The following MED15 variants were observed in gnomAD, a reference collection of about 807,000 sequenced individuals.
The protein encoded by MED15 is mediator complex subunit 15.
Under a neutral mutation model 118.7 loss-of-function variants are expected in MED15, and 41 were observed. The ratio of observed to expected loss-of-function variants is 0.35; its 90% CI spans 0.27 to 0.45. The LOEUF (loss-of-function observed/expected upper bound fraction) is 0.45. Among genes scored for constraint, MED15 ranks in the 20% least tolerant of loss-of-function variants. MED15 has a pLI of 1.00. For synonymous variants in MED15, 436 were observed against 413.9 expected (o/e 1.05, Z -0.65); for missense variants, 740 against 1,025.5 (o/e 0.72, Z 3.80).
Position 20,586,761 on chromosome 22 carries a change from T to A in MED15, c.*57T>A. On this transcript the variant is annotated 3_prime_UTR_variant, in exon 18 of 18. Transcript: ENST00000263205. ...CGGGGCCAAGGACACACGCCTCCTG[T>A]CAGACACTTCTAGGTGTTGGCTTCC... is the stretch of plus-strand genomic sequence containing the variant. 6.3e-7 allele frequency: 1 copy of A among 1,598,554 alleles called. No individual in the cohort carries two copies. Among genetic ancestry groups the A allele is most frequent in the East Asian group, 2.2e-5 (1 of 44,704 alleles).
intron 6 of MED15, 66 bp downstream of exon 6, chr22:20,564,754 C>T: frequency 6.2e-7 from 1 of 1,603,192 alleles, no homozygotes; most frequent in Non-Finnish European, 8.5e-7. Flanking sequence ...CTGGCATCAG[C>T]CACAATGCTG....
At chr22:20,568,945 C>T (rs1189991517) in intron 8 of MED15, among the ~76,000 whole-genome samples, 1 of 152,090 alleles carries the variant, frequency 6.6e-6, no homozygotes, top group Non-Finnish European at 1.5e-5. Context: ...TAGAAGGCTG[C>T]AGTTTTCTCC....
intron 1 of MED15, among the ~76,000 whole-genome samples, chr22:20,516,141 C>T (rs912305729): frequency 1.8e-4 from 28 of 151,998 alleles, no homozygotes; most frequent in African/African-American, 6.8e-4. Context: ...TGGAGAAACC[C>T]TGTCTCTACT....
In MED15 at chr22:20,585,142, A is replaced by C. The variant is rs1490581977; in HGVS notation, c.2006A>C (p.Asp669Ala). 1.9e-6 allele frequency: 3 copies of C among 1,613,588 alleles called. No homozygotes were observed. In the African/African-American group the frequency reaches 4.0e-5, roughly 22 times the overall value. ...VCTRKRRLEDDERQSIPSVLQ... is the reference protein window; with the variant it reads ...VCTRKRRLEDAERQSIPSVLQ... ...ACCCGGAAGCGCAGGCTTGAGGATG[A>C]TGAGCGGCAGAGCATCCCCAGTGTG... Residue 669 changes from aspartate (D) to alanine (A), a missense_variant, in exon 16 of 18, where the codon GAT (aspartate) becomes GCT (alanine). By Grantham distance (126) the Asp-to-Ala change is moderately radical. Transcript: ENST00000263205.
chr22:20,575,960 G>A (rs953541135), intron 9 of MED15, among the ~76,000 whole-genome samples: 6 of 152,176 alleles, frequency 3.9e-5, no homozygotes, highest in Admixed American at 6.5e-5. Flanking sequence ...AGAGTTTGAT[G>A]TGTAGAGTGT....
Position 20,584,366 on chromosome 22 carries a change from C to T in MED15, c.1744C>T (p.Leu582=). Residue 582 remains leucine (L), a synonymous_variant, in exon 14 of 18, where the codon CTG becomes TTG. Transcript: ENST00000263205. ...ILTDPSKRCP[L]KTLQKCEIAL... is the part of the protein sequence containing the mutation. ...AGTCCTCTCTCTCTGCAGGTGTCCC[C>T]TGAAGACCTTGCAAAAGTGTGAGAT... The T allele has an allele frequency of 6.2e-7, 1 of 1,613,758 alleles. No individual in the cohort carries two copies. The highest frequency in any genetic ancestry group is 8.5e-7 in the Non-Finnish European group (1 of 1,179,826).
intron 6 of MED15, among the ~76,000 whole-genome samples, chr22:20,565,738 A>G (rs186566593): frequency 4.6e-5 from 7 of 152,368 alleles, no homozygotes; most frequent in African/African-American, 4.8e-5. Context: ...CCACTGACCT[A>G]TAGGGGCAAA....
chr22:20,578,036 T>G (rs2056873421), intron 9 of MED15, among the ~76,000 whole-genome samples: 1 of 152,126 alleles, frequency 6.6e-6, no homozygotes, highest in African/African-American at 2.4e-5. Flanking sequence ...GCGATTCTCC[T>G]GCCTCAGCCT....
intron 2 of MED15, among the ~76,000 whole-genome samples, chr22:20,545,565 TG>T (rs2146488526): frequency 6.6e-6 from 1 of 152,162 alleles, no homozygotes; most frequent in Non-Finnish European, 1.5e-5. Flanking sequence ...AACCATTGAA[TG>T]GCATGTTTTA....
chr22:20,531,261 G>C (rs1032405691), intron 1 of MED15, among the ~76,000 whole-genome samples: 2 of 152,224 alleles, frequency 1.3e-5, no homozygotes, highest in African/African-American at 4.8e-5. Context: ...CCTGTTGCCA[G>C]TTTCTCAATT....
At chr22:20,576,887 T>C (rs1050376938) in intron 9 of MED15, among the ~76,000 whole-genome samples, 1 of 152,212 alleles carries the variant, frequency 6.6e-6, no homozygotes, top group Non-Finnish European at 1.5e-5. Context: ...TCCCATAGCC[T>C]CTGGCACAGT....
chr22:20,583,801 G>T (rs2057058138), intron 13 of MED15: 1 of 242,890 alleles, frequency 4.1e-6, no homozygotes, highest in Non-Finnish European at 8.2e-6. Flanking sequence ...CACGTGTGTT[G>T]TCATGAAAAT....
chr22:20,568,658 A>G (rs778664392), intron 8 of MED15, 27 bp downstream of exon 8: 4 of 1,607,370 alleles, frequency 2.5e-6, no homozygotes, highest in African/African-American at 2.7e-5. Flanking sequence ...GGAGGGCTCC[A>G]TAGTCATCAG....
Position 20,587,039 on chromosome 22 carries a change from G to T in MED15, c.*335G>T. On this transcript the variant is annotated 3_prime_UTR_variant, in exon 18 of 18. Coordinates refer to ENST00000263205, the MANE Select transcript of MED15 (RefSeq NM_001003891.3). ...CTCAGCAGCGTGAGGGTGCACTCAG[G>T]GTGTTGTTAGAGCGTCTCGTGTGTG... 2.6e-6 allele frequency: 1 copy of T among 384,002 alleles called. No individual in the cohort carries two copies. The highest frequency in any genetic ancestry group is 4.8e-6 in the Non-Finnish European group (1 of 207,418). The allele number at this position is 384,002 out of a possible 1,614,324, so 23.8% of individuals were successfully genotyped here. A position where few individuals can be genotyped will look rare whatever the true frequency, so the allele number is the denominator to read the frequency against.
At chr22:20,550,998 G>A in intron 2 of MED15, 2 of 375,794 alleles carry the variant, frequency 5.3e-6, no homozygotes, top group Non-Finnish European at 1.1e-5. Flanking sequence ...GCAACAGGCT[G>A]GGCTGAGAAA....
At chr22:20,522,826 A>G (rs2054509349) in intron 1 of MED15, 1 of 152,508 alleles carries the variant, frequency 6.6e-6, no homozygotes, top group East Asian at 1.9e-4. Context: ...GAAGTGGCAG[A>G]GCAGAGAACT....
intron 1 of MED15, among the ~76,000 whole-genome samples, chr22:20,531,991 G>T (rs73156978): frequency 6.6e-6 from 1 of 152,172 alleles, no homozygotes; most frequent in Non-Finnish European, 1.5e-5. Flanking sequence ...TGGGGCAGGC[G>T]CAGGAGCAGG....
At chr22:20,579,578 T>A (rs1453924057) in intron 9 of MED15, among the ~76,000 whole-genome samples, 1 of 151,986 alleles carries the variant, frequency 6.6e-6, no homozygotes, top group East Asian at 1.9e-4. Flanking sequence ...TGCCTGAGGG[T>A]TCCTCTGTGA....
intron 2 of MED15, among the ~76,000 whole-genome samples, chr22:20,543,109 CTTTGTGTGTGTGTGTGTGTG>C (rs1424484932): frequency 7.2e-5 from 7 of 97,846 alleles, no homozygotes; most frequent in African/African-American, 2.1e-4. Flanking sequence ...TCTCTCTCTT[CTTTGTGTGTGTGTGTGTGTG>C]TGTGTGTGTG....
Sources: gnomAD v4.1 joint callset for allele counts (sites outside exome capture counted in the v4.1 genomes callset) on GRCh38, gnomAD v4.1.1 for gene constraint, MANE v1.5 for transcripts, NCBI Gene and HGNC (gene_info 2026-07-23, HGNC 2026-07-21) for gene names.